ADAMTS17: variants seen among roughly 807,000 people sequenced by gnomAD.
ADAMTS17 encodes ADAM metallopeptidase with thrombospondin type 1 motif 17.
A neutral mutation model predicts 141.5 loss-of-function variants in ADAMTS17; 113 were observed. That is an observed-to-expected ratio of 0.80 (90% confidence interval 0.69 to 0.93). ADAMTS17 has a LOEUF of 0.93. Among genes scored for constraint, ADAMTS17 ranks in the 40% least tolerant of loss-of-function variants. The probability of loss-of-function intolerance (pLI) is 0.00; values close to 1 mark genes in which losing one functional copy is unlikely to be tolerated. For synonymous variants in ADAMTS17, 768 were observed against 630.6 expected, an observed-to-expected ratio of 1.22 and a Z score of -3.27; for missense variants, 1,659 against 1,517.9, an observed-to-expected ratio of 1.09 and a Z score of -1.54.
chr15:100,002,478 G>A (rs1292881054), intron 18 of ADAMTS17, among the ~76,000 whole-genome samples: 2 of 152,000 alleles, frequency 1.3e-5, no homozygotes, highest in Non-Finnish European at 2.9e-5. Flanking sequence ...TTGACACAGA[G>A]GCCACATCCA....
At chr15:100,088,612 A>G (rs1333763155) in intron 15 of ADAMTS17, among the ~76,000 whole-genome samples, 1 of 152,046 alleles carries the variant, frequency 6.6e-6, no homozygotes, top group Admixed American at 6.6e-5. Flanking sequence ...ACAGTAACCA[A>G]AACAGCATGG....
rs192873290 is a variant in ADAMTS17 at position 100,176,350 on chromosome 15, G to A, written c.1182-21030C>T. 1.6e-3 allele frequency among the ~76,000 whole-genome samples: 250 copies of A among 152,242 alleles called. 1 individual carries two copies. Among genetic ancestry groups the A allele is most frequent in the African/African-American group, 5.8e-3 (241 of 41,524 alleles). ...AGCACAGGTTCTCAAACTAGGCTAC[G>A]TGTTGGAGTCGCCTAAGGAGTTAAA... On this transcript the variant is annotated intron_variant, in intron 8 of 21. Coordinates refer to ENST00000268070, the MANE Select transcript of ADAMTS17 (RefSeq NM_139057.4).
In ADAMTS17 at chr15:100,325,849, G is replaced by A. The variant is rs149335792; in HGVS notation, c.616+5040C>T. Among the ~76,000 whole-genome samples the A allele has an allele frequency of 3.5e-3, 534 of 152,160 alleles. 1 individual carries two copies. The highest frequency in any genetic ancestry group is 0.012 in the African/African-American group (511 of 41,512). Reference sequence around the variant, plus strand: ...GGTATTCCTTCAGGCAACACAAATCGACTAACACAATAGCCATCTGCAAGC... The same window carrying A: ...GGTATTCCTTCAGGCAACACAAATCAACTAACACAATAGCCATCTGCAAGC... On this transcript the variant is annotated intron_variant, in intron 3 of 21. Coordinates refer to ENST00000268070, the MANE Select transcript of ADAMTS17 (RefSeq NM_139057.4).
chr15:100,298,378 G>A (rs1014096851), intron 3 of ADAMTS17, among the ~76,000 whole-genome samples: 12 of 152,128 alleles, frequency 7.9e-5, no homozygotes, highest in Admixed American at 2.0e-4. Context: ...ACTGGGAAAG[G>A]ACAACTGTCG....
At chr15:100,088,758 T>A (rs2035266236) in intron 15 of ADAMTS17, among the ~76,000 whole-genome samples, 2 of 152,072 alleles carry the variant, frequency 1.3e-5, no homozygotes, top group Non-Finnish European at 2.9e-5. Context: ...CCTATTTAAT[T>A]AATGGTGCTG....
intron 12 of ADAMTS17, among the ~76,000 whole-genome samples, chr15:100,124,382 G>C (rs757557409): frequency 6.6e-6 from 1 of 152,190 alleles, no homozygotes; most frequent in African/African-American, 2.4e-5. Flanking sequence ...ACAGAAGTTC[G>C]GCCTCACTGT....
In ADAMTS17 at chr15:99,973,237, T is replaced by G. The variant is rs768799371; in HGVS notation, c.*1165A>C. 2.6e-5 allele frequency: 4 copies of G among 152,054 alleles called. No individual in the cohort carries two copies. The highest frequency in any genetic ancestry group is 4.4e-5 in the Non-Finnish European group (3 of 68,022). 9.4% of individuals were successfully genotyped at this position (152,054 alleles called of 1,614,324 possible). A position where few individuals can be genotyped will look rare whatever the true frequency, so the allele number is the denominator to read the frequency against. The stretch of plus-strand genomic sequence containing the variant: ...TCAATGATGACAGGCGTGATGATAA[T>G]GGGTACCACAAAGTCTGGGGCTACA... On this transcript the variant is annotated 3_prime_UTR_variant, in exon 22 of 22. Transcript: ENST00000268070.
chr15:99,976,118 G>A lies in ADAMTS17; in HGVS notation c.3054C>T (p.Ala1018=), dbSNP rs980339405. 5.8e-6 allele frequency: 9 copies of A among 1,551,456 alleles called. No individual in the cohort carries two copies. The highest frequency in any genetic ancestry group is 2.4e-5 in the South Asian group (2 of 84,032). ...GSECPALSKP[A]PYRQCYQEVC... is the part of the protein sequence containing the mutation. ...CCTCCTGGTAGCACTGTCTGTAGGG[G>A]GCAGGCTTCGAGAGGGCGGGGCACT... The change falls in exon 21 of 22, where the codon GCC becomes GCT. Residue 1018 remains alanine (A), a synonymous_variant. Transcript: ENST00000268070.
At chr15:100,247,191 G>A (rs1253721537) in intron 7 of ADAMTS17, among the ~76,000 whole-genome samples, 3 of 152,016 alleles carry the variant, frequency 2.0e-5, no homozygotes, top group African/African-American at 7.2e-5. Context: ...CTGGCCTGAA[G>A]ACTATACTTC....
intron 3 of ADAMTS17, among the ~76,000 whole-genome samples, chr15:100,313,318 T>C (rs779838109): frequency 2.0e-5 from 3 of 152,174 alleles, no homozygotes; most frequent in Non-Finnish European, 4.4e-5. Context: ...GAGGAAAGAA[T>C]ACACCACAAC....
In ADAMTS17 at chr15:99,974,324, G is replaced by A. The variant is rs2060273627; in HGVS notation, c.*78C>T. 3 of 1,595,732 alleles carry A rather than the reference G, an allele frequency of 1.9e-6. No individual in the cohort carries two copies. The highest frequency in any genetic ancestry group is 2.6e-6 in the Non-Finnish European group (3 of 1,167,844). ...CTTGTGGCAGCCGGGTGGGGGCGTG[G>A]CCACAAGGCTGGTAGGCTTGCGGGT... On this transcript the variant is annotated 3_prime_UTR_variant, in exon 22 of 22. Coordinates refer to ENST00000268070, the MANE Select transcript of ADAMTS17 (RefSeq NM_139057.4).
At chr15:100,297,387 A>C (rs1348178586) in intron 3 of ADAMTS17, among the ~76,000 whole-genome samples, 1 of 152,208 alleles carries the variant, frequency 6.6e-6, no homozygotes, top group Non-Finnish European at 1.5e-5. Context: ...TTCTGTGGGC[A>C]GAAGAGATTC....
chr15:100,319,453 G>A (rs1596514890), intron 3 of ADAMTS17, among the ~76,000 whole-genome samples: 1 of 152,196 alleles, frequency 6.6e-6, no homozygotes, highest in African/African-American at 2.4e-5. Context: ...GCTCACGCCT[G>A]TAATCCCAGC....
At chr15:100,228,489 T>C (rs745367613) in intron 7 of ADAMTS17, among the ~76,000 whole-genome samples, 1 of 152,012 alleles carries the variant, frequency 6.6e-6, no homozygotes, top group African/African-American at 2.4e-5. Context: ...GATCAATTAG[T>C]GCATTAATGA....
chr15:100,094,199 T>C (rs983370149), intron 15 of ADAMTS17, among the ~76,000 whole-genome samples: 3 of 152,284 alleles, frequency 2.0e-5, no homozygotes, highest in East Asian at 3.8e-4. Flanking sequence ...GCCTGAAGGT[T>C]TGCTGAGGCT....
At chr15:100,020,044 A>C (rs1026490879) in intron 18 of ADAMTS17, among the ~76,000 whole-genome samples, 2 of 152,008 alleles carry the variant, frequency 1.3e-5, no homozygotes, top group South Asian at 2.1e-4. Flanking sequence ...TAGTTTTCCC[A>C]GGACAGCAGC....
chr15:100,270,735 A>G, intron 4 of ADAMTS17, among the ~76,000 whole-genome samples: 1 of 151,306 alleles, frequency 6.6e-6, no homozygotes, highest in Non-Finnish European at 1.5e-5. Flanking sequence ...GGATGTTTTT[A>G]AAAATTGTGG....
chr15:100,261,609 C>T lies in ADAMTS17; in HGVS notation c.901G>A (p.Glu301Lys), dbSNP rs2043520202. 2 of 1,614,002 alleles carry T rather than the reference C, an allele frequency of 1.2e-6. No individual in the cohort carries two copies. The highest frequency in any genetic ancestry group is 1.7e-6 in the Non-Finnish European group (2 of 1,179,948). ...TGACAGAAGCTCTCCAGGGACCGCT[C>T]ACCATGGTGCCCAATGGACAACTTA... ...PAKLSIGHHG[E>K]RSLESFCHWQ... is the part of the protein sequence containing the mutation. The change falls in exon 6 of 22, where the codon GAG (glutamate) becomes AAG (lysine). Residue 301 changes from glutamate to lysine, a missense_variant. Transcript: ENST00000268070.
chr15:100,036,200 G>A (rs533829385), intron 18 of ADAMTS17, among the ~76,000 whole-genome samples: 2 of 152,374 alleles, frequency 1.3e-5, no homozygotes, highest in African/African-American at 4.8e-5. Flanking sequence ...CCAGGGGAAA[G>A]GCAAGGAGGG....
Sources: allele counts gnomAD v4.1 joint callset (sites outside exome capture counted in the v4.1 genomes callset), GRCh38; gene constraint gnomAD v4.1.1; transcripts MANE v1.5; gene names NCBI Gene and HGNC (gene_info 2026-07-23, HGNC 2026-07-21).